Variants in MYO16 observed in about 807,000 individuals in gnomAD.
MYO16 encodes the protein myosin XVI.
MYO16 carries 94 observed loss-of-function variants against 205.3 expected under a neutral mutation model. The observed-to-expected ratio is 0.46, with a 90% confidence interval of 0.39 to 0.54. The LOEUF is 0.54. MYO16 is among the 20% of genes least tolerant of loss of function. The pLI is 0.00. For missense variants in MYO16, 2,315 were observed against 2,387.5 expected, an observed-to-expected ratio of 0.97 and a Z score of 0.63; for synonymous variants, 988 against 954.0, an observed-to-expected ratio of 1.04 and a Z score of -0.66.
chr13:109,012,495 G>T (rs567077875), intron 22 of MYO16, among the ~76,000 whole-genome samples: 32 of 152,162 alleles, frequency 2.1e-4, no homozygotes, highest in East Asian at 1.9e-3. Flanking sequence ...CTGTATCATT[G>T]TTTCATTATA....
At chr13:108,569,139 G>A in the MYO16 span, among the ~76,000 whole-genome samples, 1 of 151,978 alleles carries the variant, frequency 6.6e-6, no homozygotes, top group South Asian at 2.1e-4. Context: ...ATTTTGGCTA[G>A]TTTTGATTCC....
intron 34 of MYO16, among the ~76,000 whole-genome samples, chr13:109,202,729 A>G (rs1347510042): frequency 6.6e-6 from 1 of 152,284 alleles, no homozygotes; most frequent in East Asian, 1.9e-4. Context: ...TGGAACCAAA[A>G]AGCCCACATA....
chr13:108,648,958 A>G (rs1037280543), intron 1 of MYO16, among the ~76,000 whole-genome samples: 3 of 151,372 alleles, frequency 2.0e-5, no homozygotes, highest in African/African-American at 4.9e-5. Flanking sequence ...GTCTCAGAAG[A>G]GATTGACATT....
intron 2 of MYO16, among the ~76,000 whole-genome samples, chr13:108,678,813 G>A (rs959085394): frequency 3.3e-5 from 5 of 152,088 alleles, no homozygotes; most frequent in Admixed American, 6.6e-5. Flanking sequence ...TAGGGCTGAC[G>A]TAACAAAATA....
At chr13:108,549,726 A>G in the MYO16 span, among the ~76,000 whole-genome samples, 2 of 152,074 alleles carry the variant, frequency 1.3e-5, no homozygotes, top group East Asian at 3.9e-4. Flanking sequence ...TTTGAGATGA[A>G]CAACTTTCAG....
intron 2 of MYO16, among the ~76,000 whole-genome samples, chr13:108,669,326 G>A (rs1418094873): frequency 6.6e-6 from 1 of 152,048 alleles, no homozygotes; most frequent in East Asian, 1.9e-4. Context: ...GGAGTATGGA[G>A]GTGATTAGTT....
the MYO16 span, among the ~76,000 whole-genome samples, chr13:108,588,314 C>A: frequency 3.3e-5 from 5 of 152,110 alleles, no homozygotes; most frequent in African/African-American, 1.2e-4. Flanking sequence ...ACAAATGTGG[C>A]TATTTCCTAG....
At chr13:108,626,959 A>AAT (rs1416873018), upstream of MYO16, among the ~76,000 whole-genome samples, 12 of 146,012 alleles carry the variant, frequency 8.2e-5, no homozygotes, top group Admixed American at 8.3e-4. Context: ...TATTGTATAT[A>AAT]ATATATATAT....
intron 6 of MYO16, among the ~76,000 whole-genome samples, chr13:108,805,094 A>G (rs1467656244): frequency 1.3e-5 from 2 of 152,324 alleles, no homozygotes; most frequent in Admixed American, 1.3e-4. Context: ...GTAACTGCCA[A>G]TCATTTACTG....
chr13:108,626,925 ATATATAATATATATAAAAATATATATTG>A (rs1037311425), upstream of MYO16, among the ~76,000 whole-genome samples: 1 of 146,486 alleles, frequency 6.8e-6, no homozygotes, highest in Non-Finnish European at 1.5e-5. Flanking sequence ...ATATATAGCT[ATATATAATATATATAAAAATATATATTG>A]TATATAATAT....
At chr13:108,833,209 G>T (rs1049795133) in intron 9 of MYO16, among the ~76,000 whole-genome samples, 5 of 151,404 alleles carry the variant, frequency 3.3e-5, no homozygotes, top group African/African-American at 1.2e-4. Flanking sequence ...AGTTTTATTT[G>T]CTTTTTAGAC....
At chr13:108,746,759 C>T (rs1011128742) in intron 4 of MYO16, among the ~76,000 whole-genome samples, 7 of 151,978 alleles carry the variant, frequency 4.6e-5, no homozygotes, top group Admixed American at 1.3e-4. Flanking sequence ...ATGACAGACA[C>T]CAAGCCACAC....
intron 20 of MYO16, among the ~76,000 whole-genome samples, chr13:108,991,009 G>A (rs1057008827): frequency 6.6e-6 from 1 of 152,126 alleles, no homozygotes; most frequent in Non-Finnish European, 1.5e-5. Context: ...GATCCTATAA[G>A]AACTATAATA....
At chr13:108,938,680 A>C (rs1882594654) in intron 16 of MYO16, among the ~76,000 whole-genome samples, 1 of 152,220 alleles carries the variant, frequency 6.6e-6, no homozygotes. Context: ...GGCATTCTCC[A>C]GGCAAGCAGG....
At chr13:109,079,509 C>G (rs576188716) in intron 27 of MYO16, among the ~76,000 whole-genome samples, 28 of 152,040 alleles carry the variant, frequency 1.8e-4, no homozygotes, top group Non-Finnish European at 3.5e-4. Context: ...CGAATTCATG[C>G]AGGAACAGAA....
intron 7 of MYO16, among the ~76,000 whole-genome samples, chr13:108,813,992 A>G (rs950567042): frequency 5.9e-5 from 9 of 152,290 alleles, no homozygotes; most frequent in African/African-American, 2.2e-4. Context: ...GAATTCCCCT[A>G]GTAGGAGAAA....
At chr13:108,884,366 C>T (rs1879759482) in intron 13 of MYO16, among the ~76,000 whole-genome samples, 1 of 152,222 alleles carries the variant, frequency 6.6e-6, no homozygotes, top group Admixed American at 6.5e-5. Context: ...TCAGATGCAT[C>T]CCAAGGATGA....
Position 108,810,820 on chromosome 13 carries a change from G to A in MYO16, c.867+4016G>A, listed in dbSNP as rs558584041. ...ACCTTATAAATGTAAATACCTTTATGGAGAAGGAGGTAGCTCACAATCTAT... is the reference window on the plus strand; with the variant it reads ...ACCTTATAAATGTAAATACCTTTATAGAGAAGGAGGTAGCTCACAATCTAT... On this transcript the variant is annotated intron_variant, in intron 7 of 34. Transcript: ENST00000457511. 1.1e-4 allele frequency among the ~76,000 whole-genome samples: 16 copies of A among 152,220 alleles called. No homozygotes were observed. In the South Asian group the frequency reaches 2.9e-3, roughly 28 times the overall value.
At chr13:108,997,338 A>AAG (rs869174444) in intron 21 of MYO16, among the ~76,000 whole-genome samples, 7 of 5,538 alleles carry the variant, frequency 1.3e-3, no homozygotes, top group African/African-American at 4.2e-3. Flanking sequence ...GAAAGAAAGA[A>AAG]AGAGAGAGAG....
Sources: gnomAD v4.1 joint callset for allele counts (sites outside exome capture counted in the v4.1 genomes callset) on GRCh38, gnomAD v4.1.1 for gene constraint, MANE v1.5 for transcripts, NCBI Gene and HGNC (gene_info 2026-07-23, HGNC 2026-07-21) for gene names.